Variants in CSMD3 observed in about 807,000 individuals in gnomAD.
The protein encoded by CSMD3 is CUB and Sushi multiple domains 3.
CSMD3 carries 177 observed loss-of-function variants against 435.2 expected under a neutral mutation model. The observed-to-expected ratio is 0.41, with a 90% CI of 0.36 to 0.46. The LOEUF is 0.46. Ranked by LOEUF, CSMD3 falls within the 20% of genes least tolerant of loss-of-function variation. The pLI, the probability that CSMD3 is intolerant of heterozygous loss-of-function variation, is 0.34. For missense variants in CSMD3, 4,265 were observed against 4,504.6 expected, an observed-to-expected ratio of 0.95 and a Z score of 1.52; for synonymous variants, 1,656 against 1,520.5, an observed-to-expected ratio of 1.09 and a Z score of -2.07.
At chr8:112,618,906 G>A (rs1833856193) in intron 22 of CSMD3, among the ~76,000 whole-genome samples, 1 of 151,674 alleles carries the variant, frequency 6.6e-6, no homozygotes, top group Non-Finnish European at 1.5e-5. Context: ...CTTTATTTTG[G>A]TCCAGATCAT....
chr8:113,232,670 A>G (rs997391598), intron 3 of CSMD3, among the ~76,000 whole-genome samples: 1 of 151,790 alleles, frequency 6.6e-6, no homozygotes, highest in African/African-American at 2.4e-5. Context: ...TAGAAGGAGT[A>G]ATGTCCAGTA....
chr8:112,842,666 G>C (rs2080213538), intron 11 of CSMD3, among the ~76,000 whole-genome samples: 1 of 151,758 alleles, frequency 6.6e-6, no homozygotes, highest in Non-Finnish European at 1.5e-5. Context: ...GTGGTGATCT[G>C]TGATTCATTA....
intron 32 of CSMD3, among the ~76,000 whole-genome samples, chr8:112,432,039 C>T (rs1813768052): frequency 6.6e-6 from 1 of 151,878 alleles, no homozygotes; most frequent in Non-Finnish European, 1.5e-5. Context: ...ATTCTCTCAT[C>T]TTTTGATTCT....
In CSMD3 at chr8:112,273,568, A is replaced by AG. The variant is rs555885216; in HGVS notation, c.9508+7605_9508+7606insC. On this transcript the variant is annotated intron_variant, in intron 59 of 70. Coordinates refer to ENST00000297405, the MANE Select transcript of CSMD3 (RefSeq NM_198123.2). ...GTGAAACCCCGTCTCTACTAAAAAT[A>AG]CAAAAAAAATAGCCAGGCTTGGTGG... Among the ~76,000 whole-genome samples the AG allele has an allele frequency of 1.8e-3, 276 of 152,044 alleles. 1 individual carries two copies. The highest frequency in any genetic ancestry group is 6.8e-3 in the Middle Eastern group (2 of 294).
intron 22 of CSMD3, among the ~76,000 whole-genome samples, chr8:112,598,604 C>T (rs1021417029): frequency 6.6e-6 from 1 of 150,666 alleles, no homozygotes; most frequent in Non-Finnish European, 1.5e-5. Context: ...CATCACACTA[C>T]CTGACTTCAA....
chr8:112,473,718 G>C (rs1011524215), intron 31 of CSMD3, among the ~76,000 whole-genome samples: 1 of 133,638 alleles, frequency 7.5e-6, no homozygotes, highest in African/African-American at 3.0e-5. Flanking sequence ...TGCAGGAAGA[G>C]GGATTTTTTT....
chr8:113,308,356 C>T (rs1033992704), intron 2 of CSMD3, among the ~76,000 whole-genome samples: 2 of 147,912 alleles, frequency 1.4e-5, no homozygotes, highest in African/African-American at 5.0e-5. Flanking sequence ...GCAAGCTCCG[C>T]CTCCCGGGTT....
At chr8:112,318,344 G>C (rs974513122) in intron 47 of CSMD3, among the ~76,000 whole-genome samples, 1 of 151,908 alleles carries the variant, frequency 6.6e-6, no homozygotes, top group Non-Finnish European at 1.5e-5. Flanking sequence ...CTGTATGACT[G>C]CCATATCCCT....
chr8:112,942,594 G>A (rs1330240647), intron 9 of CSMD3, among the ~76,000 whole-genome samples: 5 of 151,748 alleles, frequency 3.3e-5, no homozygotes, highest in African/African-American at 1.2e-4. Context: ...ATGGTCCTAA[G>A]CAAACTAACA....
At chr8:113,072,083 T>A (rs1230574914) in intron 5 of CSMD3, among the ~76,000 whole-genome samples, 1 of 151,810 alleles carries the variant, frequency 6.6e-6, no homozygotes, top group Non-Finnish European at 1.5e-5. Context: ...AGGAGATTTT[T>A]AAAAATTTCC....
At chr8:112,445,139 A>G (rs539538797) in intron 32 of CSMD3, among the ~76,000 whole-genome samples, 164 of 152,170 alleles carry the variant, frequency 1.1e-3, no homozygotes, top group Admixed American at 3.9e-3. Flanking sequence ...GCTACTCGAG[A>G]GGCTGAGACA....
chr8:113,358,589 T>G (rs2094249498), intron 1 of CSMD3, among the ~76,000 whole-genome samples: 1 of 152,134 alleles, frequency 6.6e-6, no homozygotes, highest in Admixed American at 6.6e-5. Context: ...AATAGAAAAC[T>G]TTTTTAAAGG....
intron 4 of CSMD3, among the ~76,000 whole-genome samples, chr8:113,151,776 C>A (rs2131787175): frequency 6.6e-6 from 1 of 152,028 alleles, no homozygotes; most frequent in East Asian, 1.9e-4. Context: ...CAGTTTATTT[C>A]TGACATTATC....
chr8:112,526,169 CTG>C (rs1824939158), intron 27 of CSMD3, among the ~76,000 whole-genome samples: 1 of 151,624 alleles, frequency 6.6e-6, no homozygotes, highest in African/African-American at 2.4e-5. Flanking sequence ...ACTGTACTAA[CTG>C]AATATTTTAA....
chr8:112,335,537 C>A lies in CSMD3; in HGVS notation c.7020-63G>T, dbSNP rs557825062. 20 of 1,437,684 alleles carry A rather than the reference C, an allele frequency of 1.4e-5. No homozygotes were observed. In the African/African-American group the frequency reaches 2.4e-4, roughly 17 times the overall value. 89.1% of individuals were successfully genotyped at this position (1,437,684 alleles called of 1,614,324 possible). The stretch of plus-strand genomic sequence containing the variant: ...ATTGATTGTGGAAGTAGTTTTGAAC[C>A]GTATTTAATAAAAGTATTGCATATA... On this transcript the variant is annotated intron_variant, in intron 44 of 70. Coordinates refer to ENST00000297405, the MANE Select transcript of CSMD3 (RefSeq NM_198123.2).
intron 2 of CSMD3, among the ~76,000 whole-genome samples, chr8:113,304,781 G>A (rs1296288584): frequency 1.9e-5 from 2 of 108,026 alleles, no homozygotes; most frequent in African/African-American, 7.0e-5. Context: ...GGGGGAGGGG[G>A]GAGGGATAGC....
At chr8:113,233,441 C>T (rs1256055704) in intron 3 of CSMD3, among the ~76,000 whole-genome samples, 3 of 150,114 alleles carry the variant, frequency 2.0e-5, no homozygotes. Context: ...AATAATAAAA[C>T]CTTGCATTTA....
At chr8:113,247,206 A>G (rs1036081963) in intron 3 of CSMD3, among the ~76,000 whole-genome samples, 3 of 152,184 alleles carry the variant, frequency 2.0e-5, no homozygotes, top group Admixed American at 1.3e-4. Context: ...AACAACTAAC[A>G]CTTATTTATT....
chr8:112,310,589 A>G (rs1000868908), intron 50 of CSMD3: 7 of 242,220 alleles, frequency 2.9e-5, no homozygotes, highest in Non-Finnish European at 4.1e-5. Flanking sequence ...TTTGGATGCT[A>G]AGAGTGAAAC....
Sources: allele counts gnomAD v4.1 joint callset (sites outside exome capture counted in the v4.1 genomes callset), GRCh38; gene constraint gnomAD v4.1.1; transcripts MANE v1.5; gene names NCBI Gene and HGNC (gene_info 2026-07-23, HGNC 2026-07-21).